The following PPP2R2B variants were observed in gnomAD, a reference collection of about 807,000 sequenced individuals.
The protein encoded by PPP2R2B is serine/threonine-protein phosphatase 2A 55 kDa regulatory subunit B beta isoform.
PPP2R2B carries 5 observed loss-of-function variants against 46.0 expected under a neutral mutation model. The ratio of observed to expected loss-of-function variants is 0.11; its 90% CI spans 0.06 to 0.23. The LOEUF (loss-of-function observed/expected upper bound fraction) is 0.23, where lower values mean the gene tolerates loss of function less well. Ranked by LOEUF, PPP2R2B falls within the 10% of genes least tolerant of loss-of-function variation. PPP2R2B has a pLI of 1.00. For synonymous variants in PPP2R2B, 215 were observed against 206.7 expected (o/e 1.04, Z -0.34); for missense variants, 367 against 575.0 (o/e 0.64, Z 3.70).
At chr5:146,794,369 G>C (rs937078718) in intron 2 of PPP2R2B, among the ~76,000 whole-genome samples, 1 of 152,214 alleles carries the variant, frequency 6.6e-6, no homozygotes, top group Non-Finnish European at 1.5e-5. Context: ...AAGTGTGTGA[G>C]AAATTTACAT....
At chr5:146,667,900 A>G (rs1335551208) in intron 5 of PPP2R2B, among the ~76,000 whole-genome samples, 1 of 152,190 alleles carries the variant, frequency 6.6e-6, no homozygotes, top group Non-Finnish European at 1.5e-5. Flanking sequence ...ATCAGAAAGG[A>G]GAGAAGGAAA....
intron 2 of PPP2R2B, among the ~76,000 whole-genome samples, chr5:146,833,590 C>T (rs932250873): frequency 3.3e-5 from 5 of 152,162 alleles, no homozygotes; most frequent in African/African-American, 1.2e-4. Context: ...TGACACCTCA[C>T]CTACTGTGGG....
Position 146,585,037 on chromosome 5 carries a change from A to G in PPP2R2B, c.*4910T>C, listed in dbSNP as rs1770074999. 1 of 152,122 alleles carries G rather than the reference A, an allele frequency of 6.6e-6. No individual in the cohort carries two copies. Among genetic ancestry groups the G allele is most frequent in the Admixed American group, 6.5e-5 (1 of 15,272 alleles). The allele number at this position is 152,122 out of a possible 1,614,324, so 9.4% of individuals were successfully genotyped here. ...GACTTCTGCCCTTCATAGATATCTCATTGTAAAAATGTTTACAGTATGCAA... is the reference window on the plus strand; with the variant it reads ...GACTTCTGCCCTTCATAGATATCTCGTTGTAAAAATGTTTACAGTATGCAA... On this transcript the variant is annotated 3_prime_UTR_variant, in exon 10 of 10. Transcript: ENST00000394411.
rs1359415583 is a variant in PPP2R2B at position 147,067,779 on chromosome 5, T to TA, written c.50+13279dup. Among the ~76,000 whole-genome samples, 10 of 152,352 alleles carry TA rather than the reference T, an allele frequency of 6.6e-5. No individual in the cohort carries two copies. The East Asian group carries it at 1.9e-3, about 29-fold the overall frequency. Reference sequence around the variant, plus strand: ...GAATCTAAGTGTTTAATCGCACAGTTACCTATTTGTTCATTAACATCATGT... The same window carrying TA: ...GAATCTAAGTGTTTAATCGCACAGTTAACCTATTTGTTCATTAACATCATGT... On this transcript the variant is annotated intron_variant, in intron 2 of 10. Coordinates refer to the PPP2R2B transcript ENST00000394413.
intron 2 of PPP2R2B, among the ~76,000 whole-genome samples, chr5:146,717,404 C>G (rs1025934610): frequency 6.6e-6 from 1 of 152,186 alleles, no homozygotes; most frequent in African/African-American, 2.4e-5. Flanking sequence ...CTATTAAATG[C>G]GTTGGCAAAA....
chr5:147,056,695 G>A (rs561096191), upstream of PPP2R2B, among the ~76,000 whole-genome samples: 1 of 152,224 alleles, frequency 6.6e-6, no homozygotes, highest in East Asian at 1.9e-4. Flanking sequence ...GAGAGACAGA[G>A]GCAGAGACAG....
chr5:146,759,911 T>C (rs1406023568), intron 2 of PPP2R2B, among the ~76,000 whole-genome samples: 1 of 152,196 alleles, frequency 6.6e-6, no homozygotes, highest in Non-Finnish European at 1.5e-5. Context: ...GTCTTACAGT[T>C]ATATGATGTG....
rs375700989 is a variant in PPP2R2B, at chr5:146,924,750, G to A, written c.79+130915C>T. Among the ~76,000 whole-genome samples the A allele has an allele frequency of 1.4e-3, 211 of 152,220 alleles. 5 individuals are homozygous for A. In the South Asian group the frequency reaches 0.042, roughly 31 times the overall value. ...TGTCCAGAATTATGTAGGCCATCCT[G>A]CTTGTTATAGATTTTTATTTCCCTC... is the stretch of plus-strand genomic sequence containing the variant. On this transcript the variant is annotated intron_variant, in intron 1 of 8. Coordinates refer to the PPP2R2B transcript ENST00000336640.
chr5:146,878,077 G>A lies in PPP2R2B; in HGVS notation c.-6C>T. On this transcript the variant is annotated 5_prime_UTR_variant, in exon 2 of 10. Coordinates refer to ENST00000394411, the MANE Select transcript of PPP2R2B (RefSeq NM_181675.4). The surrounding 1 kb of genome is among the most constrained non-coding windows in gnomAD (Gnocchi z 4.5). ...GTATCAATGTCCTCCTCCATTGACA[G>A]CAGGCTTACTTGCGTGGGAACCAGA... 6.2e-7 allele frequency: 1 copy of A among 1,614,206 alleles called. No homozygotes were observed. Among genetic ancestry groups the A allele is most frequent in the Non-Finnish European group, 8.5e-7 (1 of 1,180,036 alleles).
chr5:146,728,388 C>T (rs1327047993), intron 2 of PPP2R2B, among the ~76,000 whole-genome samples: 2 of 152,032 alleles, frequency 1.3e-5, no homozygotes, highest in Admixed American at 6.6e-5. Flanking sequence ...GCAGCAAAAA[C>T]ATTGAATAGG....
intron 2 of PPP2R2B, among the ~76,000 whole-genome samples, chr5:146,789,684 G>A (rs932573777): frequency 1.3e-5 from 2 of 152,024 alleles, no homozygotes; most frequent in Admixed American, 1.3e-4. Context: ...TCAGTGATGG[G>A]GGCTCTGAAG....
chr5:146,909,387 T>A (rs1763106766), intron 1 of PPP2R2B, among the ~76,000 whole-genome samples: 1 of 152,224 alleles, frequency 6.6e-6, no homozygotes, highest in East Asian at 1.9e-4. Context: ...GTGACCCTTT[T>A]CTTGTCCTAA....
At chr5:146,669,663 G>A (rs953571369) in intron 5 of PPP2R2B, among the ~76,000 whole-genome samples, 1 of 152,094 alleles carries the variant, frequency 6.6e-6, no homozygotes, top group Non-Finnish European at 1.5e-5. Flanking sequence ...TTTAAAAAGT[G>A]CTTACTGTCC....
chr5:146,883,754 T>A (rs960176036), upstream of PPP2R2B, among the ~76,000 whole-genome samples: 1 of 152,252 alleles, frequency 6.6e-6, no homozygotes, highest in Non-Finnish European at 1.5e-5. Context: ...CTACAACATG[T>A]AATGCCACAT....
At chr5:146,808,918 A>G (rs1757353918) in intron 2 of PPP2R2B, among the ~76,000 whole-genome samples, 1 of 151,920 alleles carries the variant, frequency 6.6e-6, no homozygotes, top group Non-Finnish European at 1.5e-5. Context: ...TACCTTGTAA[A>G]TGTAAAATCC....
At chr5:146,857,693 T>C (rs895760546) in intron 2 of PPP2R2B, among the ~76,000 whole-genome samples, 3 of 152,124 alleles carry the variant, frequency 2.0e-5, no homozygotes, top group African/African-American at 7.2e-5. Flanking sequence ...GTACTAATTT[T>C]TTTTTTTTTT....
intron 2 of PPP2R2B, chr5:146,706,758 C>T: frequency 1.2e-6 from 1 of 803,836 alleles, no homozygotes; most frequent in Non-Finnish European, 2.2e-6. Flanking sequence ...TGCAGCTCCT[C>T]ATACTTGATC....
intron 2 of PPP2R2B, among the ~76,000 whole-genome samples, chr5:146,815,078 A>G (rs781184874): frequency 5.3e-5 from 8 of 152,210 alleles, no homozygotes; most frequent in Non-Finnish European, 1.2e-4. Context: ...CATGGAAGCC[A>G]TCTATCCTAC....
chr5:146,822,842 C>G (rs943806248), intron 2 of PPP2R2B, among the ~76,000 whole-genome samples: 2 of 152,094 alleles, frequency 1.3e-5, no homozygotes, highest in Non-Finnish European at 2.9e-5. Context: ...ACTAAAGCAC[C>G]AAGATAAGTC....
Sources: allele counts gnomAD v4.1 joint callset (sites outside exome capture counted in the v4.1 genomes callset), GRCh38; gene constraint gnomAD v4.1.1; non-coding constraint Gnocchi (gnomAD v3.1); transcripts MANE v1.5; gene names NCBI Gene and HGNC (gene_info 2026-07-23, HGNC 2026-07-21).